Variants in CHODL observed in about 807,000 individuals in gnomAD.
The protein encoded by CHODL is chondrolectin, also known as transmembrane protein MT75.
CHODL carries 29 observed loss-of-function variants against 34.5 expected under a neutral mutation model. The ratio of observed to expected loss-of-function variants is 0.84; its 90% CI spans 0.63 to 1.15. The LOEUF is 1.15. CHODL is among the 50% of genes most tolerant of loss of function. CHODL has a pLI of 0.00. For synonymous variants in CHODL, 125 were observed against 116.1 expected (o/e 1.08, Z -0.49); for missense variants, 332 against 332.5 (o/e 1.00, Z 0.01).
At chr21:17,927,172 A>G (rs1395534895) in intron 1 of CHODL, among the ~76,000 whole-genome samples, 1 of 147,690 alleles carries the variant, frequency 6.8e-6, no homozygotes, top group African/African-American at 2.5e-5. Context: ...ATATATGTAT[A>G]TATGTATATA....
At chr21:18,053,148 G>C (rs2146471816) in intron 2 of CHODL, among the ~76,000 whole-genome samples, 1 of 152,036 alleles carries the variant, frequency 6.6e-6, no homozygotes, top group South Asian at 2.1e-4. Flanking sequence ...GACCAATTCT[G>C]AAGGAGTTAA....
chr21:18,042,206 A>T (rs2064384379), intron 2 of CHODL, among the ~76,000 whole-genome samples: 1 of 151,952 alleles, frequency 6.6e-6, no homozygotes, highest in South Asian at 2.1e-4. Flanking sequence ...AAGGGGAGAC[A>T]ATTTGTTTTC....
Position 18,257,099 on chromosome 21 carries a change from G to A in CHODL, c.519G>A (p.Lys173=), listed in dbSNP as rs1371306641. Residue 173 remains lysine (K), a synonymous_variant, in exon 3 of 6, where the codon AAG becomes AAA. Coordinates refer to ENST00000299295, the MANE Select transcript of CHODL (RefSeq NM_024944.3). ...YQWNDDRCNM[K]HNYICKYEPE... is the part of the protein sequence containing the mutation. ...GGAATGATGACAGGTGTAACATGAA[G>A]CACAATTATATTTGCAAGTATGAAC... 1.9e-6 allele frequency: 3 copies of A among 1,612,946 alleles called. No individual in the cohort carries two copies. Among genetic ancestry groups the A allele is most frequent in the Admixed American group, 1.7e-5 (1 of 59,820 alleles).
chr21:18,036,580 G>C (rs2146447264), intron 2 of CHODL, among the ~76,000 whole-genome samples: 1 of 152,024 alleles, frequency 6.6e-6, no homozygotes, highest in East Asian at 1.9e-4. Flanking sequence ...GACAGCGATA[G>C]GTCTTCTTTT....
chr21:18,244,669 C>T (rs2074114782), upstream of CHODL, among the ~76,000 whole-genome samples: 1 of 152,108 alleles, frequency 6.6e-6, no homozygotes, highest in African/African-American at 2.4e-5. Context: ...CCAGAGGAGG[C>T]GGGCTGCTGA....
chr21:18,134,996 T>C (rs1056297607), intron 2 of CHODL, among the ~76,000 whole-genome samples: 1 of 152,222 alleles, frequency 6.6e-6, no homozygotes, highest in African/African-American at 2.4e-5. Flanking sequence ...ATCTTGCTCA[T>C]TGGGAATAGT....
chr21:18,086,497 G>A (rs1292305246), intron 2 of CHODL, among the ~76,000 whole-genome samples: 2 of 151,992 alleles, frequency 1.3e-5, no homozygotes, highest in Non-Finnish European at 2.9e-5. Flanking sequence ...TTAATTGTAG[G>A]GCAGAATTTT....
chr21:18,259,723 C>A (rs1422339373), intron 3 of CHODL, among the ~76,000 whole-genome samples: 2 of 152,194 alleles, frequency 1.3e-5, no homozygotes, highest in African/African-American at 4.8e-5. Flanking sequence ...CTTGAATCAT[C>A]AATTCCAAAT....
chr21:18,204,185 A>G (rs1029977422), intron 2 of CHODL, among the ~76,000 whole-genome samples: 1 of 152,142 alleles, frequency 6.6e-6, no homozygotes, highest in Non-Finnish European at 1.5e-5. Context: ...CATATTTTGA[A>G]ATGAAAGAAC....
At chr21:18,222,348 A>C (rs936096718) in intron 2 of CHODL, among the ~76,000 whole-genome samples, 1 of 152,090 alleles carries the variant, frequency 6.6e-6, no homozygotes, top group Non-Finnish European at 1.5e-5. Flanking sequence ...TTGGAAATGC[A>C]AGAGCTATTT....
At chr21:18,068,195 CT>C (rs1568869258) in intron 2 of CHODL, among the ~76,000 whole-genome samples, 1 of 151,564 alleles carries the variant, frequency 6.6e-6, no homozygotes, top group African/African-American at 2.4e-5. Flanking sequence ...ATTCATTTTT[CT>C]TTTTTTCTTT....
chr21:17,928,882 T>A (rs567046410), intron 1 of CHODL, among the ~76,000 whole-genome samples: 2 of 152,356 alleles, frequency 1.3e-5, no homozygotes, highest in Non-Finnish European at 2.9e-5. Context: ...GGCTTAGAAA[T>A]AATAAATCTG....
chr21:18,023,664 C>A (rs999119440), intron 1 of CHODL, among the ~76,000 whole-genome samples: 5 of 152,130 alleles, frequency 3.3e-5, no homozygotes, highest in Admixed American at 2.6e-4. Flanking sequence ...AATTTGTTTT[C>A]TCCCCTTAAC....
chr21:18,021,591 C>T (rs995742217), intron 1 of CHODL, among the ~76,000 whole-genome samples: 6 of 151,986 alleles, frequency 3.9e-5, no homozygotes, highest in Admixed American at 1.3e-4. Context: ...TGATCATCAG[C>T]GATATCAACT....
chr21:18,221,671 T>C (rs1421324954), intron 2 of CHODL, among the ~76,000 whole-genome samples: 1 of 152,242 alleles, frequency 6.6e-6, no homozygotes, highest in Non-Finnish European at 1.5e-5. Context: ...AATTCTTTAG[T>C]GTCTCAGGCT....
chr21:18,134,280 T>C (rs2072693779), intron 2 of CHODL: 2 of 511,284 alleles, frequency 3.9e-6, no homozygotes, highest in Non-Finnish European at 7.8e-6. Flanking sequence ...ACTTGGATGA[T>C]CTCTTTTGCC....
intron 1 of CHODL, among the ~76,000 whole-genome samples, chr21:17,966,311 T>C (rs1489676296): frequency 6.6e-6 from 1 of 152,240 alleles, no homozygotes; most frequent in African/African-American, 2.4e-5. Flanking sequence ...GAAGAATTCC[T>C]GGTTTAACGA....
intron 1 of CHODL, among the ~76,000 whole-genome samples, chr21:17,967,175 C>T (rs1435896102): frequency 2.0e-5 from 3 of 152,068 alleles, no homozygotes; most frequent in East Asian, 1.9e-4. Flanking sequence ...ATGAGTTATG[C>T]ACCTGGCCCC....
chr21:18,260,239 C>T lies in CHODL; in HGVS notation c.587C>T (p.Thr196Ile), dbSNP rs749113354. ...GCCCCTGTAGAAAAGCCTTATCTTA[C>T]AAATCAACCAGGAGACACCCATCAG... ...PTAPVEKPYL[T>I]NQPGDTHQNV... is the part of the protein sequence containing the mutation. The change falls in exon 4 of 6, where the codon ACA (threonine) becomes ATA (isoleucine). Residue 196 changes from threonine to isoleucine, a missense_variant. Transcript: ENST00000299295. 1 of 1,580,904 alleles carries T rather than the reference C, an allele frequency of 6.3e-7. No homozygotes were observed. Among genetic ancestry groups the T allele is most frequent in the Non-Finnish European group, 8.6e-7 (1 of 1,166,520 alleles).
Sources: gnomAD v4.1 joint callset for allele counts (sites outside exome capture counted in the v4.1 genomes callset) on GRCh38, gnomAD v4.1.1 for gene constraint, MANE v1.5 for transcripts, NCBI Gene and HGNC (gene_info 2026-07-23, HGNC 2026-07-21) for gene names.